MRS2: variants seen among roughly 807,000 people sequenced by gnomAD.
MRS2 encodes magnesium transporter MRS2 homolog, mitochondrial.
Under a neutral mutation model 52.6 loss-of-function variants are expected in MRS2, and 40 were observed. The observed-to-expected ratio is 0.76, with a 90% CI of 0.59 to 0.99. The LOEUF is 0.99. MRS2 is among the 50% of genes least tolerant of loss of function. MRS2 has a pLI of 0.00. For missense variants in MRS2, 472 were observed against 532.7 expected (o/e 0.89, Z 1.12); for synonymous variants, 193 against 195.9 (o/e 0.98, Z 0.13).
intron 5 of MRS2, among the ~76,000 whole-genome samples, chr6:24,414,179 T>C (rs1761760026): frequency 6.6e-6 from 1 of 152,130 alleles, no homozygotes; most frequent in Non-Finnish European, 1.5e-5. Flanking sequence ...TATTGATCAT[T>C]CTTGGGTGTT....
chr6:24,407,639 G>C (rs1761521413), intron 2 of MRS2, among the ~76,000 whole-genome samples: 1 of 152,150 alleles, frequency 6.6e-6, no homozygotes, highest in African/African-American at 2.4e-5. Flanking sequence ...CAAACTATCA[G>C]AAGGGGTTCT....
In MRS2 at chr6:24,405,180, G is replaced by A. The variant is rs141082353; in HGVS notation, c.203G>A (p.Arg68Gln). 2.3e-5 allele frequency: 37 copies of A among 1,613,566 alleles called. No individual in the cohort carries two copies. Among genetic ancestry groups the A allele is most frequent in the South Asian group, 4.4e-5 (4 of 91,070 alleles). ...ATTTATTCTTCAGGTGAAGTGCACC[G>A]GTTTAGAACCTCTGACGTCTCTCAA... ...DRLRVAGEVH[R>Q]FRTSDVSQAT... Residue 68 changes from arginine to glutamine, a missense_variant, in exon 2 of 11, where the codon CGG (arginine) becomes CAG (glutamine). Physicochemically the swap from Arg to Gln is conservative, Grantham distance 43. Coordinates refer to ENST00000378386, the MANE Select transcript of MRS2 (RefSeq NM_020662.4).
intron 7 of MRS2, 131 bp downstream of exon 7, chr6:24,416,644 A>C (rs1249297384): frequency 1.5e-5 from 10 of 675,140 alleles, no homozygotes; most frequent in East Asian, 1.1e-4. Flanking sequence ...TTTCATCCCC[A>C]GTTTCCCTTT....
At position 24,418,515 on chromosome 6, in the gene MRS2, T is replaced by C. The variant is rs1458461805; in HGVS notation, c.1044T>C (p.Ser348=). The C allele has an allele frequency of 1.2e-6, 2 of 1,614,050 alleles. No homozygotes were observed. Among genetic ancestry groups the C allele is most frequent in the Admixed American group, 1.7e-5 (1 of 60,008 alleles). The change falls in exon 9 of 11, where the codon TCT becomes TCC. Residue 348 remains serine, a synonymous_variant. Transcript: ENST00000378386. The part of the protein sequence containing the change: ...LNLQLTMGTF[S]LSLFGLMGVA... The stretch of plus-strand genomic sequence containing the variant: ...TACAGCTGACCATGGGAACCTTCTC[T>C]CTTTCGCTCTTTGGACTAATGGGAG...
chr6:24,414,755 G>A (rs573996042), intron 5 of MRS2, among the ~76,000 whole-genome samples: 22 of 152,170 alleles, frequency 1.4e-4, no homozygotes, highest in Non-Finnish European at 2.5e-4. Context: ...CCTCCCGGAC[G>A]GGGCGGCTGG....
intron 5 of MRS2, 38 bp from the exon 6 acceptor site, chr6:24,414,995 T>C (rs757220824): frequency 1.2e-5 from 19 of 1,525,638 alleles, no homozygotes; most frequent in Non-Finnish European, 1.6e-5. Flanking sequence ...TCTAAAAAGA[T>C]TGTTTTAATT....
intron 1 of MRS2, among the ~76,000 whole-genome samples, chr6:24,403,480 C>T (rs1761358529): frequency 6.6e-6 from 1 of 152,256 alleles, no homozygotes; most frequent in South Asian, 2.1e-4. Flanking sequence ...GCCTTCTCCT[C>T]CACCGCCCTT....
intron 10 of MRS2, chr6:24,423,315 A>T: frequency 2.1e-6 from 1 of 474,032 alleles, no homozygotes. Context: ...TAGAACTCTG[A>T]CAACATACAT....
At chr6:24,423,480 C>T in intron 10 of MRS2, 104 bp from the exon 11 acceptor site, 1 of 572,972 alleles carries the variant, frequency 1.7e-6, no homozygotes, top group Non-Finnish European at 3.1e-6. Flanking sequence ...GACACTGATA[C>T]TGCTTATAGT....
intron 8 of MRS2, 96 bp from the exon 9 acceptor site, chr6:24,418,365 G>A (rs1272503985): frequency 2.0e-6 from 3 of 1,531,606 alleles, no homozygotes; most frequent in Non-Finnish European, 2.6e-6. Context: ...TTTTTTTGTT[G>A]TGTAGGTTTC....
Position 24,423,603 on chromosome 6 carries a change from A to T in MRS2, c.1241A>T (p.Lys414Met). The change falls in exon 11 of 11, where the codon AAG becomes ATG. Residue 414 changes from lysine (K) to methionine (M), a missense_variant. Physicochemically the swap from Lys to Met is moderately conservative, Grantham distance 95. Transcript: ENST00000378386. ...ATTTAGATGGCTTCTTTACCTAAAAAGACTCTTCTGGCAGATAGAAGCATG... is the reference window on the plus strand; with the variant it reads ...ATTTAGATGGCTTCTTTACCTAAAATGACTCTTCTGGCAGATAGAAGCATG... ...LPPMMASLPK[K>M]TLLADRSMEL... is the part of the protein sequence containing the mutation. 6.2e-7 allele frequency: 1 copy of T among 1,606,858 alleles called. No individual in the cohort carries two copies. The highest frequency in any genetic ancestry group is 1.1e-5 in the South Asian group (1 of 90,692).
rs1761689429 is a variant in MRS2 at position 24,412,237 on chromosome 6, A to AT, written c.431dup (p.Thr145AsnfsTer12). ...TTTTTAACAGTATTTGAAAGCTGTG[A>AT]TAACTCCAGAGTGTCTTCTGATATT... On this transcript the variant is annotated frameshift_variant, in exon 5 of 11. Coordinates refer to ENST00000378386, the MANE Select transcript of MRS2 (RefSeq NM_020662.4). LOFTEE classifies it high-confidence loss of function. 6.4e-7 allele frequency: 1 copy of AT among 1,551,854 alleles called. No individual in the cohort carries two copies.
At position 24,412,354 on chromosome 6, in the gene MRS2, C is replaced by T. The variant is rs140127479; in HGVS notation, c.547C>T (p.Pro183Ser). Residue 183 changes from proline (P) to serine (S), a missense_variant, in exon 5 of 11, where the codon CCT becomes TCT. Physicochemically the swap from Pro to Ser is moderately conservative, Grantham distance 74. Transcript: ENST00000378386. ...GEGQLVTYPL[P>S]FEFRAIEALL... ...GGGTCAACTCGTTACATACCCTTTA[C>T]CTTTTGAGTTTAGAGCTATAGAAGC... 1.9e-6 allele frequency: 3 copies of T among 1,593,930 alleles called. No individual in the cohort carries two copies. The highest frequency in any genetic ancestry group is 2.6e-6 in the Non-Finnish European group (3 of 1,171,704).
intron 10 of MRS2, 63 bp downstream of exon 10, chr6:24,423,113 GA>G: frequency 7.5e-7 from 1 of 1,332,564 alleles, no homozygotes; most frequent in Non-Finnish European, 1.1e-6. Context: ...CCTAAAGTCA[GA>G]GCGCCTGGGA....
chr6:24,406,393 A>G (rs1489701272), intron 2 of MRS2, among the ~76,000 whole-genome samples: 1 of 148,746 alleles, frequency 6.7e-6, no homozygotes, highest in African/African-American at 2.4e-5. Flanking sequence ...TTTATAAACT[A>G]TATAAAATTA....
intron 2 of MRS2, among the ~76,000 whole-genome samples, chr6:24,407,908 C>T (rs1223739357): frequency 1.3e-5 from 2 of 152,126 alleles, no homozygotes; most frequent in South Asian, 2.1e-4. Context: ...CATCTTGGCT[C>T]GAATCCCCAT....
chr6:24,412,471 T>C (rs1761700251), intron 5 of MRS2, 76 bp downstream of exon 5: 1 of 1,254,630 alleles, frequency 8.0e-7, no homozygotes, highest in East Asian at 2.5e-5. Flanking sequence ...CAAGTTGGGG[T>C]ATTGTTTCAA....
intron 8 of MRS2, 84 bp downstream of exon 8, chr6:24,418,320 C>A (rs1051071246): frequency 2.4e-5 from 35 of 1,480,552 alleles, no homozygotes; most frequent in Non-Finnish European, 2.9e-5. Context: ...TGAGGAATTA[C>A]GCCATCATTA....
At chr6:24,410,844 A>G (rs531685292) in intron 4 of MRS2, 44 of 1,039,768 alleles carry the variant, frequency 4.2e-5, no homozygotes, top group Non-Finnish European at 5.2e-5. Flanking sequence ...TGTGTAATCT[A>G]ACTGGTGGGT....
Sources: gnomAD v4.1 joint callset for allele counts (sites outside exome capture counted in the v4.1 genomes callset) on GRCh38, gnomAD v4.1.1 for gene constraint, MANE v1.5 for transcripts, NCBI Gene and HGNC (gene_info 2026-07-23, HGNC 2026-07-21) for gene names.